Variants in NOVA1 observed in about 807,000 individuals in gnomAD.
NOVA1 encodes RNA-binding protein Nova-1.
A neutral mutation model predicts 38.0 loss-of-function variants in NOVA1; 7 were observed. That is an observed-to-expected ratio of 0.18 (90% CI 0.10 to 0.35). The LOEUF (loss-of-function observed/expected upper bound fraction) is 0.35. NOVA1 is among the 10% of genes least tolerant of loss of function. The pLI, the probability that NOVA1 is intolerant of heterozygous loss-of-function variation, is 1.00. For missense variants in NOVA1, 460 were observed against 616.0 expected, an observed-to-expected ratio of 0.75 and a Z score of 2.68; for synonymous variants, 270 against 232.5, an observed-to-expected ratio of 1.16 and a Z score of -1.47.
intron 4 of NOVA1, among the ~76,000 whole-genome samples, chr14:26,462,109 A>G (rs1245365190): frequency 1.3e-5 from 2 of 152,116 alleles, no homozygotes; most frequent in Admixed American, 1.3e-4. Flanking sequence ...CCCTAAGCGT[A>G]TAGTGTTTAT....
chr14:26,539,870 GA>G (rs5807369), intron 2 of NOVA1, among the ~76,000 whole-genome samples: 45,900 of 147,938 alleles, frequency 0.31, 7,392 homozygotes, highest in East Asian at 0.41. Context: ...AGAGGCAAAG[GA>G]AAAAAAAAAC....
chr14:26,479,794 A>G (rs941028793), intron 3 of NOVA1, 183 bp downstream of exon 3: 6 of 511,458 alleles, frequency 1.2e-5, no homozygotes, highest in South Asian at 5.2e-5. Context: ...CAATTGATCA[A>G]TAAATTAACT....
intron 2 of NOVA1, among the ~76,000 whole-genome samples, chr14:26,495,693 G>T (rs555514578): frequency 7.0e-6 from 1 of 143,178 alleles, no homozygotes; most frequent in African/African-American, 2.6e-5. Context: ...TCCCCTTCCT[G>T]TGTCCATGTA....
chr14:26,522,072 C>T lies in NOVA1; in HGVS notation c.281-41929G>A, dbSNP rs181332408. ...TGAAATGTCTTTCACAAGATAGTTA[C>T]TGCCAAATATTGATATCAATATTCA... On this transcript the variant is annotated intron_variant, in intron 2 of 4. Transcript: ENST00000539517. 6.6e-5 allele frequency among the ~76,000 whole-genome samples: 10 copies of T among 152,068 alleles called. No homozygotes were observed. In the East Asian group the frequency reaches 1.9e-3, roughly 29 times the overall value.
At chr14:26,589,205 T>G (rs1390138129) in intron 2 of NOVA1, among the ~76,000 whole-genome samples, 1 of 151,668 alleles carries the variant, frequency 6.6e-6, no homozygotes. Context: ...TTTAAATGTA[T>G]TTTTACCTTT....
At chr14:26,535,742 G>A (rs1420202257) in intron 2 of NOVA1, among the ~76,000 whole-genome samples, 1 of 152,050 alleles carries the variant, frequency 6.6e-6, no homozygotes, top group Non-Finnish European at 1.5e-5. Flanking sequence ...CAGATCACGA[G>A]GCCTGGAGAT....
At chr14:26,590,693 C>T (rs1893791049) in intron 2 of NOVA1, among the ~76,000 whole-genome samples, 1 of 151,692 alleles carries the variant, frequency 6.6e-6, no homozygotes. Context: ...CTGTATGAAA[C>T]ATCTTCAATA....
chr14:26,592,537 A>T (rs1444085724), intron 2 of NOVA1, among the ~76,000 whole-genome samples: 2 of 151,532 alleles, frequency 1.3e-5, no homozygotes, highest in African/African-American at 4.8e-5. Context: ...TGATTGCAGT[A>T]ATTGAAGAAT....
intron 2 of NOVA1, among the ~76,000 whole-genome samples, chr14:26,485,792 C>CA (rs773217411): frequency 5.9e-5 from 9 of 152,008 alleles, no homozygotes; most frequent in Non-Finnish European, 1.3e-4. Context: ...AGAATACAGA[C>CA]ATAATTATTT....
intron 2 of NOVA1, among the ~76,000 whole-genome samples, chr14:26,574,516 C>T (rs1008399312): frequency 1.1e-4 from 17 of 152,094 alleles, no homozygotes; most frequent in African/African-American, 3.9e-4. Context: ...TCTCCCATGA[C>T]GTCTTAATGT....
chr14:26,481,616 A>G (rs971288923), intron 2 of NOVA1, among the ~76,000 whole-genome samples: 5 of 152,126 alleles, frequency 3.3e-5, no homozygotes, highest in African/African-American at 1.2e-4. Flanking sequence ...AAAACATTTC[A>G]ATAGACCATG....
At position 26,511,796 on chromosome 14, in the gene NOVA1, T is replaced by C. The variant is rs973093225; in HGVS notation, c.281-31653A>G. Among the ~76,000 whole-genome samples the C allele has an allele frequency of 2.6e-5, 4 of 151,456 alleles. No individual in the cohort carries two copies. The South Asian group carries it at 8.3e-4, about 32-fold the overall frequency. On this transcript the variant is annotated intron_variant, in intron 2 of 4. Coordinates refer to ENST00000539517, the MANE Select transcript of NOVA1 (RefSeq NM_002515.3). ...AGTTTCCCAAAGTTTTAAGGTGTGT[T>C]GGGTAGGCAGGGAGACGAAGAGTGG...
At chr14:26,470,509 G>T (rs370176943) in intron 4 of NOVA1, 42 of 1,476,116 alleles carry the variant, frequency 2.8e-5, no homozygotes, top group Non-Finnish European at 3.8e-5. Context: ...AAGAACAGAA[G>T]AAAACAGAGT....
intron 4 of NOVA1, among the ~76,000 whole-genome samples, chr14:26,461,781 A>T (rs904688802): frequency 1.2e-4 from 18 of 150,772 alleles, no homozygotes; most frequent in African/African-American, 3.4e-4. Flanking sequence ...AAAAAAAAAA[A>T]AAAAATTTGC....
intron 2 of NOVA1, among the ~76,000 whole-genome samples, chr14:26,503,536 A>G (rs935768201): frequency 1.3e-5 from 2 of 152,134 alleles, no homozygotes; most frequent in African/African-American, 4.8e-5. Flanking sequence ...CTCTAGTACA[A>G]TTCTATTGGA....
chr14:26,460,305 AAACATT>A (rs1883544189), intron 4 of NOVA1, among the ~76,000 whole-genome samples: 1 of 144,068 alleles, frequency 6.9e-6, no homozygotes, highest in Non-Finnish European at 1.5e-5. Flanking sequence ...ATAACCATAT[AAACATT>A]AACATTTAAA....
chr14:26,515,402 C>T (rs942313429), intron 2 of NOVA1, among the ~76,000 whole-genome samples: 1 of 151,920 alleles, frequency 6.6e-6, no homozygotes, highest in Non-Finnish European at 1.5e-5. Flanking sequence ...AAGTTGATAA[C>T]AATTGCACAA....
At chr14:26,452,543 A>G (rs1406045515) in intron 4 of NOVA1, among the ~76,000 whole-genome samples, 1 of 152,244 alleles carries the variant, frequency 6.6e-6, no homozygotes, top group Non-Finnish European at 1.5e-5. Context: ...GATAGTATTT[A>G]AATTCCAACT....
chr14:26,498,343 G>A (rs1210343525), intron 2 of NOVA1, among the ~76,000 whole-genome samples: 1 of 151,956 alleles, frequency 6.6e-6, no homozygotes, highest in Non-Finnish European at 1.5e-5. Flanking sequence ...TGGAATTACA[G>A]GCGTGAGCCA....
Sources: gnomAD v4.1 joint callset for allele counts (sites outside exome capture counted in the v4.1 genomes callset) on GRCh38, gnomAD v4.1.1 for gene constraint, MANE v1.5 for transcripts, NCBI Gene and HGNC (gene_info 2026-07-23, HGNC 2026-07-21) for gene names.